The following FHIT variants were observed in gnomAD, a reference collection of about 807,000 sequenced individuals.
The protein encoded by FHIT is bis(5'-adenosyl)-triphosphatase.
Under a neutral mutation model 17.9 loss-of-function variants are expected in FHIT, and 19 were observed. The ratio of observed to expected loss-of-function variants is 1.06; its 90% CI spans 0.74 to 1.56. FHIT has a LOEUF of 1.56. Among genes scored for constraint, FHIT ranks in the 40% most tolerant of loss-of-function variants. FHIT has a pLI of 0.00. For missense variants in FHIT, 248 were observed against 189.2 expected (o/e 1.31, Z -1.82); for synonymous variants, 81 against 69.7 (o/e 1.16, Z -0.81).
chr3:60,164,963 G>A (rs1356937584), intron 5 of FHIT, among the ~76,000 whole-genome samples: 4 of 152,096 alleles, frequency 2.6e-5, no homozygotes, highest in South Asian at 2.1e-4. Context: ...TGTGTGAAAT[G>A]CCACAGAGAG....
At chr3:60,173,151 A>G (rs976073470) in intron 5 of FHIT, among the ~76,000 whole-genome samples, 3 of 152,158 alleles carry the variant, frequency 2.0e-5, no homozygotes, top group African/African-American at 4.8e-5. Flanking sequence ...AAAATCAGCT[A>G]CAACCTTAAA....
intron 3 of FHIT, among the ~76,000 whole-genome samples, chr3:60,889,967 C>A (rs1282417935): frequency 2.0e-5 from 3 of 152,134 alleles, no homozygotes; most frequent in Admixed American, 1.3e-4. Flanking sequence ...CTTATGCTAG[C>A]TCCAGCTCAG....
chr3:59,801,272 G>T (rs1699982912), intron 8 of FHIT, among the ~76,000 whole-genome samples: 1 of 151,306 alleles, frequency 6.6e-6, no homozygotes, highest in Non-Finnish European at 1.5e-5. Context: ...TGTCTGAAAT[G>T]ATTTGCACCT....
At chr3:60,716,956 T>C (rs2041698858) in intron 4 of FHIT, among the ~76,000 whole-genome samples, 1 of 152,216 alleles carries the variant, frequency 6.6e-6, no homozygotes, top group Admixed American at 6.5e-5. Flanking sequence ...AATGGAATAC[T>C]ATTCAGCATT....
intron 2 of FHIT, among the ~76,000 whole-genome samples, chr3:61,054,387 C>G (rs1299649844): frequency 6.6e-6 from 1 of 151,410 alleles, no homozygotes; most frequent in Non-Finnish European, 1.5e-5. Context: ...AAAAAGGCAT[C>G]TGTGATTCCA....
intron 4 of FHIT, among the ~76,000 whole-genome samples, chr3:60,685,704 T>A (rs1413517338): frequency 6.6e-6 from 1 of 152,196 alleles, no homozygotes; most frequent in African/African-American, 2.4e-5. Context: ...CTAGAATTAC[T>A]ATTATACTAT....
intron 5 of FHIT, among the ~76,000 whole-genome samples, chr3:60,523,747 C>T (rs140392737): frequency 7.9e-5 from 12 of 152,300 alleles, no homozygotes; most frequent in African/African-American, 2.9e-4. Flanking sequence ...ATCAGCCTGG[C>T]TGGAATCCAC....
At chr3:60,666,981 A>T (rs62251492) in intron 4 of FHIT, among the ~76,000 whole-genome samples, 8,669 of 139,302 alleles carry the variant, frequency 0.062, 326 homozygotes, top group African/African-American at 0.11. Context: ...CAGCCTCCTG[A>T]GTAGCTGGGA....
chr3:61,164,933 C>T (rs1458980551), intron 2 of FHIT, among the ~76,000 whole-genome samples: 3 of 152,160 alleles, frequency 2.0e-5, no homozygotes, highest in African/African-American at 7.2e-5. Flanking sequence ...GGATAATGGC[C>T]TCCAGTTGCA....
chr3:60,251,834 A>G (rs1021084418), intron 5 of FHIT, among the ~76,000 whole-genome samples: 1 of 152,220 alleles, frequency 6.6e-6, no homozygotes, highest in Non-Finnish European at 1.5e-5. Flanking sequence ...AACTATGTGC[A>G]AGACATGACA....
In FHIT at chr3:60,957,194, C is replaced by A. The variant is rs150017575; in HGVS notation, c.-111+84853G>T. Among the ~76,000 whole-genome samples, 953 of 145,096 alleles carry A rather than the reference C, an allele frequency of 6.6e-3. 9 individuals carry two copies. Among genetic ancestry groups the A allele is most frequent in the South Asian group, 0.011 (48 of 4,472 alleles). On this transcript the variant is annotated intron_variant, in intron 3 of 9. Coordinates refer to ENST00000492590, the MANE Select transcript of FHIT (RefSeq NM_002012.4). ...GAAATCACACAAAAGCAAACTAGAG[C>A]CAGAAAAACACAGCACCATCTTCTT... is the stretch of plus-strand genomic sequence containing the variant.
intron 5 of FHIT, among the ~76,000 whole-genome samples, chr3:60,528,050 T>A (rs1472741164): frequency 6.6e-6 from 1 of 152,228 alleles, no homozygotes; most frequent in African/African-American, 2.4e-5. Context: ...CACAGCTTAC[T>A]ATAACCTTGA....
At position 59,749,042 on chromosome 3, in the gene FHIT, A is replaced by G. The variant is rs1446163429; in HGVS notation, c.*543T>C. Among the ~76,000 whole-genome samples, 13 of 152,154 alleles carry G rather than the reference A, an allele frequency of 8.5e-5. No homozygotes were observed. The highest frequency in any genetic ancestry group is 1.9e-4 in the Non-Finnish European group (13 of 68,014). Reference sequence around the variant, plus strand: ...GAGGGAATAATCACGAAAGCTGGAGAAGGCCAAGTCTATCTGACCTTCAGA... The same window carrying G: ...GAGGGAATAATCACGAAAGCTGGAGGAGGCCAAGTCTATCTGACCTTCAGA... On this transcript the variant is annotated 3_prime_UTR_variant, in exon 10 of 10. Transcript: ENST00000492590.
At chr3:59,864,792 T>C (rs1432736322) in intron 8 of FHIT, among the ~76,000 whole-genome samples, 1 of 149,940 alleles carries the variant, frequency 6.7e-6, no homozygotes, top group Non-Finnish European at 1.5e-5. Flanking sequence ...TAACCCTTTC[T>C]GCCTAAAAGG....
At chr3:60,024,369 G>A (rs188920218) in intron 5 of FHIT, among the ~76,000 whole-genome samples, 7 of 152,284 alleles carry the variant, frequency 4.6e-5, no homozygotes, top group South Asian at 4.1e-4. Flanking sequence ...TGAAGATTTC[G>A]TAGTGAGAGG....
At chr3:59,806,915 C>T (rs74845928) in intron 8 of FHIT, among the ~76,000 whole-genome samples, 8,137 of 151,936 alleles carry the variant, frequency 0.054, 538 homozygotes, top group African/African-American at 0.16. Context: ...TTCAGAAAGC[C>T]CCTCTATTAA....
intron 3 of FHIT, among the ~76,000 whole-genome samples, chr3:60,964,716 T>C (rs1553782502): frequency 6.6e-6 from 1 of 152,222 alleles, no homozygotes; most frequent in African/African-American, 2.4e-5. Context: ...GGATATGAAA[T>C]TCTGGGTTGA....
chr3:61,103,933 A>C (rs1287255339), intron 2 of FHIT, among the ~76,000 whole-genome samples: 11 of 141,848 alleles, frequency 7.8e-5, no homozygotes, highest in Non-Finnish European at 3.1e-5. Context: ...ATCTTCCTCC[A>C]TCCCTTTATT....
At chr3:60,776,182 T>C (rs1347337793) in intron 4 of FHIT, among the ~76,000 whole-genome samples, 1 of 152,170 alleles carries the variant, frequency 6.6e-6, no homozygotes, top group African/African-American at 2.4e-5. Context: ...CAAGGATTTG[T>C]TTAGCAAAGC....
Sources: allele counts gnomAD v4.1 joint callset (sites outside exome capture counted in the v4.1 genomes callset), GRCh38; gene constraint gnomAD v4.1.1; transcripts MANE v1.5; gene names NCBI Gene and HGNC (gene_info 2026-07-23, HGNC 2026-07-21).